Variants in SLC9A3 observed in about 807,000 individuals in gnomAD.
SLC9A3 encodes the protein sodium/hydrogen exchanger 3.
In SLC9A3, 37 loss-of-function variants were observed where a neutral mutation model predicts 86.8. The observed-to-expected ratio is 0.43, with a 90% CI of 0.33 to 0.56. The LOEUF (loss-of-function observed/expected upper bound fraction) is 0.56, where lower values mean the gene tolerates loss of function less well. SLC9A3 is among the 20% of genes least tolerant of loss of function. The pLI is 0.06. For missense variants in SLC9A3, 1,011 were observed against 1,171.9 expected (o/e 0.86, Z 2.00); for synonymous variants, 581 against 528.3 (o/e 1.10, Z -1.37).
chr5:492,116 G>GGAGGGAGGTCAGGGCCGGGCTGT (rs1395202485), intron 1 of SLC9A3, 45 bp from the exon 2 acceptor site: 1 of 1,272,424 alleles, frequency 7.9e-7, no homozygotes, highest in Non-Finnish European at 1.0e-6. Flanking sequence ...GTGAGGGAGG[G>GGAGGGAGGTCAGGGCCGGGCTGT]GAGGGAGGTC....
intron 1 of SLC9A3, among the ~76,000 whole-genome samples, chr5:504,292 G>A (rs35604682): frequency 0.37 from 55,869 of 151,862 alleles, 10,684 homozygotes; most frequent in African/African-American, 0.43. Flanking sequence ...CAGCCCCCGC[G>A]TCCCGTGACC....
intron 1 of SLC9A3, among the ~76,000 whole-genome samples, chr5:501,135 G>A (rs1156719602): frequency 1.3e-5 from 2 of 152,180 alleles, no homozygotes; most frequent in Non-Finnish European, 2.9e-5. Context: ...CCCTGTGCCT[G>A]GAGGAGGAAG....
In SLC9A3 at chr5:500,629, G is replaced by A. The variant is rs145726325; in HGVS notation, c.212-8558C>T. On this transcript the variant is annotated intron_variant, in intron 1 of 16. Coordinates refer to ENST00000264938, the MANE Select transcript of SLC9A3 (RefSeq NM_004174.4). Reference sequence around the variant, plus strand: ...AGGGGCCGGTGTGGATGGGGCAGGCGTGGATGGGGCTGGTGTGGACATGGG... The same window carrying A: ...AGGGGCCGGTGTGGATGGGGCAGGCATGGATGGGGCTGGTGTGGACATGGG... Among the ~76,000 whole-genome samples the A allele has an allele frequency of 1.1e-3, 131 of 122,472 alleles. 1 individual carries two copies. Among genetic ancestry groups the A allele is most frequent in the Non-Finnish European group, 8.5e-4 (53 of 62,002 alleles). The allele number at this position is 122,472 out of a possible 152,430, so 80.3% of individuals were successfully genotyped here.
In SLC9A3 at chr5:483,436, T is replaced by G; in HGVS notation, c.979A>C (p.Ile327Leu). Residue 327 changes from isoleucine to leucine, a missense_variant, in exon 6 of 17, where the codon ATC (isoleucine) becomes CTC (leucine). Physicochemically the swap from Ile to Leu is conservative, Grantham distance 5. Around this residue, in one of 3 missense-constraint regions of SLC9A3, gnomAD observed 565 missense variants for 790.0 expected, o/e 0.72. Transcript: ENST00000264938. ...ACGGTGGTGGCCGACTGCTCCGAGA[T>G]GTTGGCCTTCACATACTTCTGACAG... is the stretch of plus-strand genomic sequence containing the variant. The part of the protein sequence containing the change: ...ICCQKYVKAN[I>L]SEQSATTVRY... 1 of 1,568,736 alleles carries G rather than the reference T, an allele frequency of 6.4e-7. No individual in the cohort carries two copies. The highest frequency in any genetic ancestry group is 8.6e-7 in the Non-Finnish European group (1 of 1,158,966).
rs1241269104 is a variant in SLC9A3, at chr5:476,551, G to A, written c.1882C>T (p.Arg628Trp). 5.0e-6 allele frequency: 8 copies of A among 1,611,060 alleles called. No individual in the cohort carries two copies. Among genetic ancestry groups the A allele is most frequent in the Non-Finnish European group, 6.8e-6 (8 of 1,179,710 alleles). ...HTLQQYLYKP[R>W]QEYKHLYSRH... is the part of the protein sequence containing the mutation. Reference sequence around the variant, plus strand: ...CAGCCCGCAGTGCCCACCTCCTGCCGCGGCTTGTACAGGTACTGCTGTAGC... The same window carrying A: ...CAGCCCGCAGTGCCCACCTCCTGCCACGGCTTGTACAGGTACTGCTGTAGC... The change falls in exon 12 of 17, where the codon CGG (arginine) becomes TGG (tryptophan). Residue 628 changes from arginine (R) to tryptophan (W), a missense_variant. Arg to Trp is a moderately radical substitution (Grantham distance 101, BLOSUM62 -3). Transcript: ENST00000264938.
At position 472,509 on chromosome 5, in the gene SLC9A3, G is replaced by C; in HGVS notation, c.*870C>G. 8.9e-6 allele frequency: 3 copies of C among 335,818 alleles called. No individual in the cohort carries two copies. Among genetic ancestry groups the C allele is most frequent in the Non-Finnish European group, 1.2e-5 (2 of 170,088 alleles). 20.8% of individuals were successfully genotyped at this position (335,818 alleles called of 1,614,324 possible). ...CCCGGGCGACCTCCGCGCCAGGTGC[G>C]ACAGCTCAGGCCGGAGACCTCGTCT... On this transcript the variant is annotated 3_prime_UTR_variant, in exon 17 of 17. Transcript: ENST00000264938.
chr5:497,282 C>T lies in SLC9A3; in HGVS notation c.212-5211G>A, dbSNP rs755491693. ...CACCACTGCTCTGCCTCGGGCGACA[C>T]GGTGCACTGGCCGAATTCCCTCCAG... On this transcript the variant is annotated intron_variant, in intron 1 of 16. Transcript: ENST00000264938. The surrounding 1 kb of genome is among the most constrained non-coding windows in gnomAD (Gnocchi z 5.4). 2.0e-5 allele frequency among the ~76,000 whole-genome samples: 3 copies of T among 152,278 alleles called. No individual in the cohort carries two copies. The highest frequency in any genetic ancestry group is 4.8e-5 in the African/African-American group (2 of 41,560).
intron 1 of SLC9A3, among the ~76,000 whole-genome samples, chr5:495,106 G>A (rs866369582): frequency 9.9e-5 from 13 of 131,102 alleles, no homozygotes; most frequent in Admixed American, 4.6e-4. Context: ...GGGGGGCGCC[G>A]TGGCCGCAGG....
chr5:477,292 G>T (rs761132499), intron 11 of SLC9A3, 40 bp downstream of exon 11: 7 of 1,423,700 alleles, frequency 4.9e-6, no homozygotes, highest in Non-Finnish European at 3.9e-6. Flanking sequence ...CCCGAGGCTG[G>T]GCTCTTCCCC....
chr5:476,768 GCCT>G, intron 11 of SLC9A3, 96 bp from the exon 12 acceptor site: 3 of 1,476,542 alleles, frequency 2.0e-6, no homozygotes, highest in Non-Finnish European at 2.8e-6. Context: ...GGCCCTGGCT[GCCT>G]CCTGCGTGCC....
At position 497,105 on chromosome 5, in the gene SLC9A3, T is replaced by G. The variant is rs982944508; in HGVS notation, c.212-5034A>C. On this transcript the variant is annotated intron_variant, in intron 1 of 16. Coordinates refer to ENST00000264938, the MANE Select transcript of SLC9A3 (RefSeq NM_004174.4). This position sits in a 1 kb window ranked among gnomAD's most constrained non-coding sequence, Gnocchi z 5.4. The stretch of plus-strand genomic sequence containing the variant: ...TAACAGAGAAAATAGTTAAAAATAG[T>G]TGCAACTCAGAAGGCCCTGCTAGCC... Among the ~76,000 whole-genome samples the G allele has an allele frequency of 6.6e-6, 1 of 152,148 alleles. No homozygotes were observed. Among genetic ancestry groups the G allele is most frequent in the African/African-American group, 2.4e-5 (1 of 41,414 alleles).
intron 1 of SLC9A3, among the ~76,000 whole-genome samples, chr5:517,704 A>G (rs557105089): frequency 1.4e-5 from 2 of 140,446 alleles, no homozygotes; most frequent in South Asian, 4.7e-4. Context: ...CCATCCATCC[A>G]TTCACCCAAG....
intron 15 of SLC9A3, 83 bp downstream of exon 15, chr5:475,477 GC>G: frequency 1.2e-6 from 1 of 817,132 alleles, no homozygotes. Flanking sequence ...AGGTCCCAGT[GC>G]CCCTGGTCCA....
intron 16 of SLC9A3, among the ~76,000 whole-genome samples, chr5:474,192 GGA>G (rs1426998287): frequency 6.8e-5 from 6 of 88,748 alleles, no homozygotes; most frequent in Non-Finnish European, 1.4e-4. Flanking sequence ...AGGCGGGGAG[GGA>G]GAGAGAGAAC....
intron 1 of SLC9A3, among the ~76,000 whole-genome samples, chr5:518,484 C>T (rs1028445494): frequency 6.6e-6 from 1 of 152,168 alleles, no homozygotes; most frequent in Non-Finnish European, 1.5e-5. Flanking sequence ...ACGCCAACAC[C>T]TGGCACCCTG....
Position 524,098 on chromosome 5 carries a change from C to A in SLC9A3, c.211+14G>T. 4.7e-6 allele frequency: 7 copies of A among 1,482,316 alleles called. No homozygotes were observed. The highest frequency in any genetic ancestry group is 6.3e-6 in the Non-Finnish European group (7 of 1,110,338). 91.8% of individuals were successfully genotyped at this position (1,482,316 alleles called of 1,614,324 possible). A position where few individuals can be genotyped will look rare whatever the true frequency, so the allele number is the denominator to read the frequency against. On this transcript the variant is annotated intron_variant, in intron 1 of 16. Transcript: ENST00000264938. ...CACCCCGCGGGCAGATCCGGAGACC[C>A]CGGGGCCACTTACCGATCTTGGCCA...
chr5:497,923 C>T lies in SLC9A3; in HGVS notation c.212-5852G>A, dbSNP rs535216860. Among the ~76,000 whole-genome samples, 1 of 152,154 alleles carries T rather than the reference C, an allele frequency of 6.6e-6. No individual in the cohort carries two copies. The highest frequency in any genetic ancestry group is 2.1e-4 in the South Asian group (1 of 4,800). On this transcript the variant is annotated intron_variant, in intron 1 of 16. Transcript: ENST00000264938. This position sits in a 1 kb window ranked among gnomAD's most constrained non-coding sequence, Gnocchi z 5.4. ...GGTCGCCCGGCCGCATCCCCAGCCTCTGCCCTCCGACAACTCAGGCACCTG... is the reference window on the plus strand; with the variant it reads ...GGTCGCCCGGCCGCATCCCCAGCCTTTGCCCTCCGACAACTCAGGCACCTG...
At position 495,382 on chromosome 5, in the gene SLC9A3, CCG is replaced by C. The variant is rs933253744; in HGVS notation, c.212-3313_212-3312del. Among the ~76,000 whole-genome samples, 18 of 62,236 alleles carry C rather than the reference CCG, an allele frequency of 2.9e-4. 1 individual carries two copies. Among genetic ancestry groups the C allele is most frequent in the African/African-American group, 6.8e-4 (15 of 21,944 alleles). The allele number at this position is 62,236 out of a possible 152,430, so 40.8% of individuals were successfully genotyped here. A position where few individuals can be genotyped will look rare whatever the true frequency, so the allele number is the denominator to read the frequency against. On this transcript the variant is annotated intron_variant, in intron 1 of 16. Transcript: ENST00000264938. ...GTGCCCTGGGGACTCACAGTGCTCC[CCG>C]CGCCATCGCCGACCCTCCCCACGCT...
At chr5:482,483 G>A in intron 7 of SLC9A3, 65 bp downstream of exon 7, 2 of 1,343,632 alleles carry the variant, frequency 1.5e-6, no homozygotes, top group Non-Finnish European at 2.1e-6. Context: ...TTGTCCTGAA[G>A]TGCGGGCCCA....
Sources: allele counts gnomAD v4.1 joint callset (sites outside exome capture counted in the v4.1 genomes callset), GRCh38; gene constraint gnomAD v4.1.1; regional missense constraint gnomAD v4.1.1; non-coding constraint Gnocchi (gnomAD v3.1); transcripts MANE v1.5; gene names NCBI Gene and HGNC (gene_info 2026-07-23, HGNC 2026-07-21).